The following SPIDR variants were observed in gnomAD, a reference collection of about 807,000 sequenced individuals.
The protein encoded by SPIDR is scaffold protein involved in DNA repair.
A neutral mutation model predicts 104.6 loss-of-function variants in SPIDR; 93 were observed. That is an observed-to-expected ratio of 0.89 (90% confidence interval 0.75 to 1.06). The LOEUF (loss-of-function observed/expected upper bound fraction) is 1.06. Among genes scored for constraint, SPIDR ranks in the 50% least tolerant of loss-of-function variants. The pLI, the probability that SPIDR is intolerant of heterozygous loss-of-function variation, is 0.00. For synonymous variants in SPIDR, 431 were observed against 416.9 expected, an observed-to-expected ratio of 1.03 and a Z score of -0.41; for missense variants, 1,154 against 1,111.2, an observed-to-expected ratio of 1.04 and a Z score of -0.55.
intron 8 of SPIDR, among the ~76,000 whole-genome samples, chr8:47,548,617 C>T (rs781674479): frequency 2.6e-5 from 4 of 152,302 alleles, no homozygotes; most frequent in Middle Eastern, 3.4e-3. Flanking sequence ...CACTGCACTC[C>T]GGCCTGGGCA....
At chr8:47,461,879 C>T (rs782752169) in intron 8 of SPIDR, among the ~76,000 whole-genome samples, 4 of 151,366 alleles carry the variant, frequency 2.6e-5, no homozygotes, top group South Asian at 4.2e-4. Flanking sequence ...CTCCTTGATT[C>T]GCATAATAAT....
intron 5 of SPIDR, among the ~76,000 whole-genome samples, chr8:47,393,161 T>C (rs187472256): frequency 7.9e-5 from 12 of 152,328 alleles, no homozygotes; most frequent in African/African-American, 2.9e-4. Flanking sequence ...TTTCCCCAGG[T>C]ATCCCATAGG....
chr8:47,696,148 C>G (rs2079304384), intron 11 of SPIDR, among the ~76,000 whole-genome samples: 1 of 152,228 alleles, frequency 6.6e-6, no homozygotes, highest in Non-Finnish European at 1.5e-5. Context: ...AACCTCAGCT[C>G]TAGTTTGTTT....
chr8:47,611,882 A>G (rs528962034), intron 10 of SPIDR, among the ~76,000 whole-genome samples: 2 of 152,314 alleles, frequency 1.3e-5, no homozygotes, highest in South Asian at 4.1e-4. Flanking sequence ...GGAACTCATC[A>G]TTTGAATTAA....
At chr8:47,656,242 C>CA (rs1219065373) in intron 10 of SPIDR, among the ~76,000 whole-genome samples, 1 of 152,034 alleles carries the variant, frequency 6.6e-6, no homozygotes, top group Non-Finnish European at 1.5e-5. Context: ...TTTAACGTCT[C>CA]AAAAAACAAA....
chr8:47,702,118 C>A, intron 14 of SPIDR, 103 bp downstream of exon 14: 1 of 1,049,658 alleles, frequency 9.5e-7, no homozygotes, highest in Non-Finnish European at 1.4e-6. Context: ...CACACACACA[C>A]ACACACACAC....
At chr8:47,663,542 A>G (rs2074435193) in intron 10 of SPIDR, among the ~76,000 whole-genome samples, 1 of 152,236 alleles carries the variant, frequency 6.6e-6, no homozygotes, top group Non-Finnish European at 1.5e-5. Context: ...TTTTGTTATT[A>G]AGGATCTTGT....
intron 8 of SPIDR, among the ~76,000 whole-genome samples, chr8:47,470,251 A>G (rs1254605324): frequency 6.6e-6 from 1 of 152,132 alleles, no homozygotes; most frequent in East Asian, 1.9e-4. Context: ...AAGAACTCTT[A>G]CATATATGGT....
Position 47,318,161 on chromosome 8 carries a change from G to C in SPIDR, c.525+24131G>C, listed in dbSNP as rs182599526. Reference sequence around the variant, plus strand: ...AAACTACTCCGAGCTAAAGGAGGAAGTTCGAACCCATGGCAAAGAAGTTAA... The same window carrying C: ...AAACTACTCCGAGCTAAAGGAGGAACTTCGAACCCATGGCAAAGAAGTTAA... On this transcript the variant is annotated intron_variant, in intron 5 of 19. Transcript: ENST00000297423. Among the ~76,000 whole-genome samples the C allele has an allele frequency of 1.7e-3, 252 of 152,248 alleles. 1 individual carries two copies. Among genetic ancestry groups the C allele is most frequent in the Non-Finnish European group, 7.1e-4 (48 of 68,018 alleles).
chr8:47,600,459 G>T (rs984263841), intron 10 of SPIDR, among the ~76,000 whole-genome samples: 2 of 152,186 alleles, frequency 1.3e-5, no homozygotes, highest in Admixed American at 1.3e-4. Flanking sequence ...TCTTCAAGTG[G>T]AGGCACTTTA....
At chr8:47,422,875 T>C (rs2065789652) in intron 7 of SPIDR, among the ~76,000 whole-genome samples, 1 of 152,184 alleles carries the variant, frequency 6.6e-6, no homozygotes, top group Non-Finnish European at 1.5e-5. Context: ...GCTGGGCTGT[T>C]TTATAACTCC....
chr8:47,696,195 G>A (rs565354564), intron 11 of SPIDR, among the ~76,000 whole-genome samples: 3 of 152,286 alleles, frequency 2.0e-5, no homozygotes, highest in Non-Finnish European at 2.9e-5. Context: ...CATCACTTCC[G>A]ACTCTTGAAC....
intron 5 of SPIDR, among the ~76,000 whole-genome samples, chr8:47,324,780 T>C (rs1401678638): frequency 6.6e-6 from 1 of 152,178 alleles, no homozygotes; most frequent in Non-Finnish European, 1.5e-5. Context: ...GTACTTATAT[T>C]AGTTTGCTAG....
intron 8 of SPIDR, among the ~76,000 whole-genome samples, chr8:47,481,584 A>G (rs1163867120): frequency 6.6e-6 from 1 of 152,244 alleles, no homozygotes; most frequent in Non-Finnish European, 1.5e-5. Context: ...CCATCAGGGC[A>G]CTGCCTGTTT....
At chr8:47,360,167 G>A (rs374620558) in intron 5 of SPIDR, among the ~76,000 whole-genome samples, 24 of 151,042 alleles carry the variant, frequency 1.6e-4, no homozygotes, top group East Asian at 1.4e-3. Flanking sequence ...GCATGAACCC[G>A]GGAGGCGGAG....
intron 10 of SPIDR, among the ~76,000 whole-genome samples, chr8:47,646,723 A>G (rs374269664): frequency 1.1e-4 from 16 of 152,282 alleles, no homozygotes; most frequent in African/African-American, 3.1e-4. Context: ...GTGAGAAACA[A>G]GTAACAGTGA....
intron 5 of SPIDR, among the ~76,000 whole-genome samples, chr8:47,308,910 A>G (rs1350302627): frequency 6.6e-6 from 1 of 152,222 alleles, no homozygotes; most frequent in Non-Finnish European, 1.5e-5. Flanking sequence ...TAATACCTGC[A>G]AGTGATTAAA....
At chr8:47,463,669 C>T (rs1333483021) in intron 8 of SPIDR, among the ~76,000 whole-genome samples, 1 of 152,138 alleles carries the variant, frequency 6.6e-6, no homozygotes. Context: ...AAGAGTTATA[C>T]CCCATTTCCA....
intron 8 of SPIDR, among the ~76,000 whole-genome samples, chr8:47,530,079 T>C (rs749014855): frequency 3.9e-5 from 6 of 152,248 alleles, no homozygotes; most frequent in Non-Finnish European, 8.8e-5. Context: ...ATCTAGGCTG[T>C]ATGGTATAGC....
Sources: allele counts gnomAD v4.1 joint callset (sites outside exome capture counted in the v4.1 genomes callset), GRCh38; gene constraint gnomAD v4.1.1; transcripts MANE v1.5; gene names NCBI Gene and HGNC (gene_info 2026-07-23, HGNC 2026-07-21).